Variants in FGD4 observed in about 807,000 individuals in gnomAD.
FGD4 encodes the protein FYVE, RhoGEF and PH domain containing 4, also known as FYVE, RhoGEF and PH domain-containing protein 4.
A neutral mutation model predicts 102.0 loss-of-function variants in FGD4; 42 were observed. The ratio of observed to expected loss-of-function variants is 0.41; its 90% CI spans 0.32 to 0.53. The LOEUF (loss-of-function observed/expected upper bound fraction) is 0.53, where lower values mean the gene tolerates loss of function less well. FGD4 is among the 20% of genes least tolerant of loss of function. FGD4 has a pLI of 0.21. For missense variants in FGD4, 902 were observed against 1,078.2 expected (o/e 0.84, Z 2.29); for synonymous variants, 380 against 375.7 (o/e 1.01, Z -0.13).
chr12:32,498,127 A>G (rs1433159548), intron 1 of FGD4, among the ~76,000 whole-genome samples: 3 of 152,152 alleles, frequency 2.0e-5, no homozygotes, highest in African/African-American at 4.8e-5. Context: ...TTGTCGTTGG[A>G]CTTTGTAGAG....
intron 1 of FGD4, among the ~76,000 whole-genome samples, chr12:32,453,222 TATAGATATATATATA>T (rs1565749133): frequency 0.018 from 854 of 48,252 alleles, 15 homozygotes; most frequent in African/African-American, 0.066. Flanking sequence ...ATATATATAA[TATAGATATATATATA>T]TTTTTTTTTT....
At position 32,449,876 on chromosome 12, in the gene FGD4, C is replaced by T. The variant is rs148509447; in HGVS notation, c.166+49917C>T. The stretch of plus-strand genomic sequence containing the variant: ...ACTTTAGTCTCCCAAGTAGCTGGTT[C>T]CACAGGCATGTACCACTATGCCCAG... On this transcript the variant is annotated intron_variant, in intron 1 of 16. Coordinates refer to ENST00000534526, the MANE Select transcript of FGD4 (RefSeq NM_001370298.3). 5.7e-3 allele frequency among the ~76,000 whole-genome samples: 871 copies of T among 151,938 alleles called. 5 individuals carry two copies. Among genetic ancestry groups the T allele is most frequent in the African/African-American group, 0.02 (817 of 41,442 alleles).
chr12:32,489,989 A>T (rs890469074), intron 1 of FGD4, among the ~76,000 whole-genome samples: 2 of 152,028 alleles, frequency 1.3e-5, no homozygotes, highest in African/African-American at 4.8e-5. Flanking sequence ...CTTTTCCTTT[A>T]CAGGTAGGTC....
chr12:32,502,900 A>T (rs1382529411), intron 1 of FGD4, among the ~76,000 whole-genome samples: 1 of 152,214 alleles, frequency 6.6e-6, no homozygotes, highest in East Asian at 1.9e-4. Flanking sequence ...GCATGCAGGC[A>T]CCGTGGTAAA....
At chr12:32,520,421 G>A (rs1201122737) in intron 1 of FGD4, among the ~76,000 whole-genome samples, 1 of 126,916 alleles carries the variant, frequency 7.9e-6, no homozygotes, top group Admixed American at 8.0e-5. Flanking sequence ...AAGTTCTATT[G>A]TGGGTTTTTT....
Position 32,457,686 on chromosome 12 carries a change from A to G in FGD4, c.166+57727A>G, listed in dbSNP as rs1049313227. Among the ~76,000 whole-genome samples, 6 of 152,178 alleles carry G rather than the reference A, an allele frequency of 3.9e-5. No individual in the cohort carries two copies. In the South Asian group the frequency reaches 1.2e-3, roughly 32 times the overall value. On this transcript the variant is annotated intron_variant, in intron 1 of 16. Transcript: ENST00000534526. The stretch of plus-strand genomic sequence containing the variant: ...TGGGTGTGTGTAAATGTGTAAATAA[A>G]TGTTTACTGGACTCTTACTAAAATG...
intron 1 of FGD4, among the ~76,000 whole-genome samples, chr12:32,417,867 GT>G (rs767541234): frequency 7.3e-5 from 11 of 151,052 alleles, no homozygotes; most frequent in Non-Finnish European, 1.3e-4. Flanking sequence ...ATTTCTTTGA[GT>G]TTCCTTACCA....
At chr12:32,483,767 C>T (rs899287721) in intron 1 of FGD4, among the ~76,000 whole-genome samples, 2 of 152,146 alleles carry the variant, frequency 1.3e-5, no homozygotes, top group African/African-American at 2.4e-5. Flanking sequence ...TAAAACCTAT[C>T]CTGACTGTAG....
At chr12:32,601,601 A>G (rs1003426815) in intron 6 of FGD4, among the ~76,000 whole-genome samples, 178 bp downstream of exon 6, 5 of 152,222 alleles carry the variant, frequency 3.3e-5, no homozygotes, top group African/African-American at 7.2e-5. Flanking sequence ...TCTCCAAACT[A>G]TCATTTAGCT....
intron 1 of FGD4, among the ~76,000 whole-genome samples, chr12:32,460,942 G>C (rs1472006977): frequency 6.6e-6 from 1 of 152,110 alleles, no homozygotes. Flanking sequence ...AATTAACTGG[G>C]CATTTGAAAA....
chr12:32,466,731 G>T (rs1450140834), intron 1 of FGD4, among the ~76,000 whole-genome samples: 1 of 151,882 alleles, frequency 6.6e-6, no homozygotes, highest in African/African-American at 2.4e-5. Flanking sequence ...AGCCAGGCGT[G>T]GTGGCGCATG....
chr12:32,467,379 T>A (rs575027853), intron 1 of FGD4, among the ~76,000 whole-genome samples: 1 of 152,170 alleles, frequency 6.6e-6, no homozygotes, highest in Non-Finnish European at 1.5e-5. Flanking sequence ...TACCCAACCA[T>A]TGGACAAGTC....
Position 32,619,888 on chromosome 12 carries a change from A to G in FGD4, c.1922+18A>G, listed in dbSNP as rs1949697083. On this transcript the variant is annotated intron_variant, in intron 11 of 16. Transcript: ENST00000534526. ...CAGGCCAGGTAAGGGAACCATTTCTATCACACTGCTTTCCAAAATCAGGCA... is the reference window on the plus strand; with the variant it reads ...CAGGCCAGGTAAGGGAACCATTTCTGTCACACTGCTTTCCAAAATCAGGCA... The G allele has an allele frequency of 1.2e-6, 2 of 1,613,862 alleles. No individual in the cohort carries two copies. Among genetic ancestry groups the G allele is most frequent in the Non-Finnish European group, 1.7e-6 (2 of 1,179,908 alleles).
chr12:32,513,657 G>T (rs1401438839), intron 1 of FGD4, among the ~76,000 whole-genome samples: 1 of 152,218 alleles, frequency 6.6e-6, no homozygotes, highest in African/African-American at 2.4e-5. Context: ...AATTGTAGGA[G>T]TAAAAGTGCC....
chr12:32,437,615 T>C (rs1343805603), intron 1 of FGD4, among the ~76,000 whole-genome samples: 1 of 152,258 alleles, frequency 6.6e-6, no homozygotes, highest in Non-Finnish European at 1.5e-5. Context: ...TATTTGTTCC[T>C]AAAGTCTTAG....
chr12:32,630,765 G>A (rs1479994881), intron 14 of FGD4, among the ~76,000 whole-genome samples: 1 of 151,082 alleles, frequency 6.6e-6, no homozygotes, highest in African/African-American at 2.4e-5. Context: ...GCAGTGAGCC[G>A]AGATCGCGCC....
intron 1 of FGD4, among the ~76,000 whole-genome samples, chr12:32,445,768 G>A (rs1942592206): frequency 6.6e-6 from 1 of 152,122 alleles, no homozygotes; most frequent in Admixed American, 6.6e-5. Context: ...GTTAAACACA[G>A]ATTCAAAATA....
At chr12:32,531,918 A>G (rs1248159380) in intron 1 of FGD4, among the ~76,000 whole-genome samples, 1 of 152,206 alleles carries the variant, frequency 6.6e-6, no homozygotes, top group Non-Finnish European at 1.5e-5. Context: ...ACTTGTGGGC[A>G]ATTGAGAGTC....
rs1333788264 is a variant in FGD4 at position 32,633,871 on chromosome 12, ATGGGGTTTCCCCATGTTGGCCAGC to A, written c.2313+186_2313+209del. ...GCTAATTTTTGTATTTTTAGTAGGG[ATGGGGTTTCCCCATGTTGGCCAGC>A]TGGTCTCAAACTCCTGACCTCAGGT... On this transcript the variant is annotated intron_variant, in intron 15 of 16. Transcript: ENST00000534526. Among the ~76,000 whole-genome samples the A allele has an allele frequency of 2.0e-5, 3 of 152,264 alleles. No individual in the cohort carries two copies. The East Asian group carries it at 5.8e-4, about 29-fold the overall frequency.
Sources: gnomAD v4.1 joint callset for allele counts (sites outside exome capture counted in the v4.1 genomes callset) on GRCh38, gnomAD v4.1.1 for gene constraint, MANE v1.5 for transcripts, NCBI Gene and HGNC (gene_info 2026-07-23, HGNC 2026-07-21) for gene names.